FBN1: variants seen among roughly 807,000 people sequenced by gnomAD.
The protein encoded by FBN1 is fibrillin-1.
FBN1 carries 29 observed loss-of-function variants against 365.1 expected under a neutral mutation model. The ratio of observed to expected loss-of-function variants is 0.08; its 90% confidence interval spans 0.06 to 0.11. The LOEUF (loss-of-function observed/expected upper bound fraction) is 0.11. FBN1 is among the 10% of genes least tolerant of loss of function. The pLI, the probability that FBN1 is intolerant of heterozygous loss-of-function variation, is 1.00. For synonymous variants in FBN1, 1,210 were observed against 1,270.5 expected (o/e 0.95, Z 1.01); for missense variants, 2,476 against 3,703.2 (o/e 0.67, Z 8.60).
At chr15:48,532,549 A>G (rs1291544191) in intron 8 of FBN1, among the ~76,000 whole-genome samples, 1 of 151,186 alleles carries the variant, frequency 6.6e-6, no homozygotes, top group East Asian at 2.0e-4. Context: ...CTATTCCAGA[A>G]TAATAACTTT....
At chr15:48,545,766 A>ACC (rs903248133) in intron 6 of FBN1, among the ~76,000 whole-genome samples, 3 of 152,130 alleles carry the variant, frequency 2.0e-5, no homozygotes, top group African/African-American at 7.2e-5. Context: ...TCATGCCTAT[A>ACC]CCCCCAGCAC....
chr15:48,612,878 G>T, intron 3 of FBN1, 132 bp downstream of exon 3: 1 of 763,814 alleles, frequency 1.3e-6, no homozygotes. Context: ...AGGTAGAAAA[G>T]TCTTAAAGCT....
intron 14 of FBN1, 78 bp from the exon 15 acceptor site, chr15:48,508,782 T>C: frequency 6.5e-7 from 1 of 1,544,246 alleles, no homozygotes; most frequent in South Asian, 1.1e-5. Context: ...TGAAAATAAT[T>C]CTGTTTCTTC....
intron 13 of FBN1, among the ~76,000 whole-genome samples, chr15:48,512,899 C>T (rs7167026): frequency 0.15 from 22,982 of 152,052 alleles, 1,891 homozygotes; most frequent in East Asian, 0.36. Context: ...TTTAGAAACT[C>T]AGTACATAAG....
chr15:48,548,926 T>C (rs1289089040), intron 6 of FBN1, among the ~76,000 whole-genome samples: 1 of 152,242 alleles, frequency 6.6e-6, no homozygotes, highest in African/African-American at 2.4e-5. Flanking sequence ...GGGTAAAAGT[T>C]AGGAATAGAA....
intron 6 of FBN1, among the ~76,000 whole-genome samples, chr15:48,594,685 G>A (rs1422632411): frequency 6.6e-6 from 1 of 152,156 alleles, no homozygotes; most frequent in Non-Finnish European, 1.5e-5. Context: ...TATCAACTAT[G>A]AGCATCAATA....
At chr15:48,636,543 C>A (rs1039054213) in intron 2 of FBN1, among the ~76,000 whole-genome samples, 3 of 152,146 alleles carry the variant, frequency 2.0e-5, no homozygotes, top group Non-Finnish European at 4.4e-5. Flanking sequence ...TGAAAAAAAA[C>A]ACATTCAATG....
chr15:48,525,863 C>T (rs950781024), intron 9 of FBN1, among the ~76,000 whole-genome samples: 4 of 152,130 alleles, frequency 2.6e-5, no homozygotes, highest in Non-Finnish European at 4.4e-5. Flanking sequence ...TTTAATGCTG[C>T]ACGACTGCAA....
chr15:48,462,935 C>T, intron 42 of FBN1, 147 bp downstream of exon 42: 1 of 787,524 alleles, frequency 1.3e-6, no homozygotes, highest in Non-Finnish European at 2.2e-6. Context: ...TGACCAGCAC[C>T]AACTGTGAAT....
intron 6 of FBN1, among the ~76,000 whole-genome samples, chr15:48,573,652 G>C (rs185267366): frequency 4.9e-4 from 74 of 152,288 alleles, no homozygotes; most frequent in Non-Finnish European, 8.5e-4. Flanking sequence ...TTTGTGGCCA[G>C]CAAGGAGATC....
At chr15:48,430,648 T>C (rs1365747466) in intron 56 of FBN1, 23 bp downstream of exon 56, 1 of 1,613,280 alleles carries the variant, frequency 6.2e-7, no homozygotes, top group African/African-American at 1.3e-5. Context: ...CACTCAAAGC[T>C]CCTTCCACAG....
At chr15:48,455,020 C>T (rs1039009500) in intron 44 of FBN1, among the ~76,000 whole-genome samples, 1 of 152,202 alleles carries the variant, frequency 6.6e-6, no homozygotes, top group Non-Finnish European at 1.5e-5. Flanking sequence ...GGCTACTTGG[C>T]AAGAGCAGAG....
chr15:48,482,511 G>T (rs1426848474), intron 31 of FBN1, among the ~76,000 whole-genome samples: 2 of 152,176 alleles, frequency 1.3e-5, no homozygotes, highest in African/African-American at 2.4e-5. Flanking sequence ...AATTGCCCGA[G>T]ATTACTGAAT....
At chr15:48,532,911 A>G (rs2043985580) in intron 8 of FBN1, among the ~76,000 whole-genome samples, 1 of 152,232 alleles carries the variant, frequency 6.6e-6, no homozygotes, top group Non-Finnish European at 1.5e-5. Context: ...ATGTTCAAGA[A>G]TGCAGTATCA....
chr15:48,570,726 G>T (rs1017851710), intron 6 of FBN1, among the ~76,000 whole-genome samples: 4 of 152,204 alleles, frequency 2.6e-5, no homozygotes, highest in Non-Finnish European at 5.9e-5. Flanking sequence ...AAAGAGCAAT[G>T]TTATTGCTCT....
intron 6 of FBN1, among the ~76,000 whole-genome samples, chr15:48,554,939 T>C (rs1345165669): frequency 6.6e-6 from 1 of 152,210 alleles, no homozygotes; most frequent in African/African-American, 2.4e-5. Flanking sequence ...CTCTTTCTAT[T>C]CTATGACAAT....
chr15:48,446,901 T>C, intron 46 of FBN1, 79 bp from the exon 47 acceptor site: 1 of 951,940 alleles, frequency 1.1e-6, no homozygotes, highest in South Asian at 1.3e-5. Context: ...CTAAAGAGCA[T>C]TTTAGGGTTC....
At position 48,490,074 on chromosome 15, in the gene FBN1, G is replaced by T; in HGVS notation, c.2859C>A (p.Ile953=). 2 of 1,614,072 alleles carry T rather than the reference G, an allele frequency of 1.2e-6. No homozygotes were observed. Among genetic ancestry groups the T allele is most frequent in the Non-Finnish European group, 1.7e-6 (2 of 1,180,004 alleles). ...ACCTCAGGAAGCAGGTTTCCAGGCG[G>T]ATATCTGTCAGAGGGAATCAAGGGA... ...LDATGRICLD[I]RLETCFLRYE... Residue 953 remains isoleucine, a synonymous_variant, in exon 25 of 66, where the codon ATC becomes ATA. Coordinates refer to ENST00000316623, the MANE Select transcript of FBN1 (RefSeq NM_000138.5).
chr15:48,469,606 G>C (rs2141274549), intron 36 of FBN1, among the ~76,000 whole-genome samples: 1 of 152,192 alleles, frequency 6.6e-6, no homozygotes, highest in Non-Finnish European at 1.5e-5. Context: ...CTTTGCCTTG[G>C]TCCTCCCCTT....
Sources: allele counts gnomAD v4.1 joint callset (sites outside exome capture counted in the v4.1 genomes callset), GRCh38; gene constraint gnomAD v4.1.1; transcripts MANE v1.5; gene names NCBI Gene and HGNC (gene_info 2026-07-23, HGNC 2026-07-21).